ZFAT: variants seen among roughly 807,000 people sequenced by gnomAD.
ZFAT encodes the protein zinc finger and AT-hook domain containing.
A neutral mutation model predicts 117.7 loss-of-function variants in ZFAT; 64 were observed. The observed-to-expected ratio is 0.54, with a 90% CI of 0.44 to 0.67. The LOEUF is 0.67. Ranked by LOEUF, ZFAT falls within the 30% of genes least tolerant of loss-of-function variation. ZFAT has a pLI of 0.00. For missense variants in ZFAT, 1,433 were observed against 1,584.5 expected (o/e 0.90, Z 1.62); for synonymous variants, 679 against 615.0 (o/e 1.10, Z -1.54).
In ZFAT at chr8:134,657,618, T is replaced by C; in HGVS notation, c.139A>G (p.Ile47Val). 1.9e-6 allele frequency: 3 copies of C among 1,614,068 alleles called. No homozygotes were observed. The highest frequency in any genetic ancestry group is 1.1e-5 in the South Asian group (1 of 91,078). Residue 47 changes from isoleucine to valine, a missense_variant, in exon 2 of 16, where the codon ATT becomes GTT. Physicochemically the swap from Ile to Val is conservative, Grantham distance 29. Around this residue, in one of 5 missense-constraint regions of ZFAT, gnomAD observed 436 missense variants for 482.0 expected, o/e 0.90. Transcript: ENST00000377838. Reference protein sequence around the residue: ...EEGVNVDEIIIPLRPLSTPEP... With the variant: ...EEGVNVDEIIVPLRPLSTPEP... The stretch of plus-strand genomic sequence containing the variant: ...GGTGTACTCAGAGGCCTAAGGGGAA[T>C]AATAATCTCATCAACATTAACCCCT...
intron 12 of ZFAT, among the ~76,000 whole-genome samples, chr8:134,526,178 T>C (rs1408535357): frequency 6.6e-6 from 1 of 152,242 alleles, no homozygotes; most frequent in Non-Finnish European, 1.5e-5. Context: ...TGGGATATTC[T>C]TTAGTGGAAA....
intron 1 of ZFAT, among the ~76,000 whole-genome samples, chr8:134,672,910 A>G (rs1013752421): frequency 7.2e-5 from 11 of 152,348 alleles, no homozygotes; most frequent in Non-Finnish European, 1.3e-4. Context: ...GAAAATATAA[A>G]AACAATAAAT....
At chr8:134,486,126 G>GA (rs200876917) in intron 15 of ZFAT, among the ~76,000 whole-genome samples, 2 of 152,324 alleles carry the variant, frequency 1.3e-5, no homozygotes, top group East Asian at 3.9e-4. Flanking sequence ...GCCCTAAAAT[G>GA]AAAAACCAGA....
rs1830287592 is a variant in ZFAT at position 134,637,475 on chromosome 8, T to C, written c.434A>G (p.Glu145Gly). 6.2e-7 allele frequency: 1 copy of C among 1,608,374 alleles called. No individual in the cohort carries two copies. Among genetic ancestry groups the C allele is most frequent in the Non-Finnish European group, 8.5e-7 (1 of 1,175,100 alleles). ...ICIIVLNLGE[E>G]EGEAGNESDL... ...GCAGCATTTACCTGCTTCTCCTTCC[T>C]CCTCACCCAAATTCAGCACGATAAT... Residue 145 changes from glutamate (E) to glycine (G), a missense_variant, in exon 3 of 16, where the codon GAG becomes GGG. Glu to Gly is a moderately conservative substitution (Grantham distance 98). Coordinates refer to ENST00000377838, the MANE Select transcript of ZFAT (RefSeq NM_020863.4).
rs1830204754 is a variant in ZFAT, at chr8:134,636,233, T to C, written c.448+1228A>G. Among the ~76,000 whole-genome samples, 3 of 152,220 alleles carry C rather than the reference T, an allele frequency of 2.0e-5. No individual in the cohort carries two copies. In the South Asian group the frequency reaches 6.2e-4, roughly 32 times the overall value. On this transcript the variant is annotated intron_variant, in intron 3 of 15. Coordinates refer to ENST00000377838, the MANE Select transcript of ZFAT (RefSeq NM_020863.4). ...TTTAAGAACAGGGGTCAGAGTAGGATGGCCTGGGTTCAAAGGCCAGGTCCC... is the reference window on the plus strand; with the variant it reads ...TTTAAGAACAGGGGTCAGAGTAGGACGGCCTGGGTTCAAAGGCCAGGTCCC...
At chr8:134,733,306 G>A in the ZFAT span, among the ~76,000 whole-genome samples, 1 of 152,236 alleles carries the variant, frequency 6.6e-6, no homozygotes, top group East Asian at 1.9e-4. Flanking sequence ...AGTCCTCCAC[G>A]GCCAAAATGA....
intron 1 of ZFAT, among the ~76,000 whole-genome samples, chr8:134,688,641 G>A (rs1461704687): frequency 6.6e-6 from 1 of 152,186 alleles, no homozygotes; most frequent in African/African-American, 2.4e-5. Flanking sequence ...GGAGCCCTGG[G>A]AGGGAGCAGG....
the ZFAT span, among the ~76,000 whole-genome samples, chr8:134,778,916 G>C: frequency 6.6e-6 from 1 of 152,214 alleles, no homozygotes; most frequent in Non-Finnish European, 1.5e-5. Context: ...AACAACGAAG[G>C]TGGGCTTAAC....
chr8:134,821,370 T>C, the ZFAT span, among the ~76,000 whole-genome samples: 1 of 152,150 alleles, frequency 6.6e-6, no homozygotes, highest in African/African-American at 2.4e-5. Flanking sequence ...ACTACATTAA[T>C]AGAAACACAG....
the ZFAT span, among the ~76,000 whole-genome samples, chr8:134,832,080 T>C: frequency 4.2e-5 from 6 of 141,276 alleles, no homozygotes; most frequent in South Asian, 1.2e-3. Context: ...GAGGCGCGCC[T>C]GGAGCGGCCG....
intron 7 of ZFAT, among the ~76,000 whole-genome samples, chr8:134,594,085 T>C (rs1826735836): frequency 6.6e-6 from 1 of 152,272 alleles, no homozygotes. Context: ...GAAATAGTTC[T>C]GTTTTGCCAT....
At position 134,637,494 on chromosome 8, in the gene ZFAT, C is replaced by T. The variant is rs767015633; in HGVS notation, c.415G>A (p.Val139Met). Residue 139 changes from valine (V) to methionine (M), a missense_variant, in exon 3 of 16, where the codon GTG (valine) becomes ATG (methionine). This residue lies in a region of ZFAT where 436 missense variants were observed against 482.0 expected (regional missense o/e 0.90). Coordinates refer to ENST00000377838, the MANE Select transcript of ZFAT (RefSeq NM_020863.4). The part of the protein sequence containing the change: ...RQLRKHICII[V>M]LNLGEEEGEA... ...CCTTCCTCCTCACCCAAATTCAGCA[C>T]GATAATGCAGATGTGCTTCCGCAGC... 17 of 1,613,450 alleles carry T rather than the reference C, an allele frequency of 1.1e-5. No homozygotes were observed. Among genetic ancestry groups the T allele is most frequent in the East Asian group, 2.2e-5 (1 of 44,856 alleles).
At chr8:134,706,395 A>G (rs1196526961) in intron 1 of ZFAT, among the ~76,000 whole-genome samples, 1 of 152,234 alleles carries the variant, frequency 6.6e-6, no homozygotes, top group Admixed American at 6.5e-5. Flanking sequence ...GGTGACATCA[A>G]GACTAGTGGT....
At chr8:134,782,901 C>T in the ZFAT span, among the ~76,000 whole-genome samples, 1 of 152,006 alleles carries the variant, frequency 6.6e-6, no homozygotes, top group Non-Finnish European at 1.5e-5. Context: ...TTTTATCATC[C>T]ATTCCATTTC....
the ZFAT span, chr8:134,797,996 A>AC: frequency 6.6e-6 from 1 of 151,812 alleles, no homozygotes; most frequent in African/African-American, 2.4e-5. Flanking sequence ...ACTAAAAAAA[A>AC]AACACATTAA....
chr8:134,831,708 T>C, the ZFAT span, among the ~76,000 whole-genome samples: 1 of 150,436 alleles, frequency 6.6e-6, no homozygotes, highest in African/African-American at 2.5e-5. Context: ...CCCACCTGCC[T>C]CCCGCCGCCC....
At chr8:134,817,286 T>G in the ZFAT span, among the ~76,000 whole-genome samples, 1 of 151,862 alleles carries the variant, frequency 6.6e-6, no homozygotes, top group African/African-American at 2.4e-5. Flanking sequence ...GTAAGAGAAA[T>G]CCTGCCTAAG....
At chr8:134,734,422 G>A in the ZFAT span, among the ~76,000 whole-genome samples, 1 of 152,210 alleles carries the variant, frequency 6.6e-6, no homozygotes, top group African/African-American at 2.4e-5. Flanking sequence ...GCATCATATA[G>A]GTCACATTCT....
intron 11 of ZFAT, among the ~76,000 whole-genome samples, chr8:134,549,198 T>C (rs979529033): frequency 1.3e-5 from 2 of 152,088 alleles, no homozygotes; most frequent in African/African-American, 4.8e-5. Flanking sequence ...TCCCAGCACT[T>C]TGGGAGGCCG....
Sources: allele counts gnomAD v4.1 joint callset (sites outside exome capture counted in the v4.1 genomes callset), GRCh38; gene constraint gnomAD v4.1.1; regional missense constraint gnomAD v4.1.1; transcripts MANE v1.5; gene names NCBI Gene and HGNC (gene_info 2026-07-23, HGNC 2026-07-21).